The following ANTXR1 variants were observed in gnomAD, a reference collection of about 807,000 sequenced individuals.
ANTXR1 encodes ANTXR cell adhesion molecule 1, also known as anthrax toxin receptor 1.
Under a neutral mutation model 78.1 loss-of-function variants are expected in ANTXR1, and 19 were observed. The ratio of observed to expected loss-of-function variants is 0.24; its 90% CI spans 0.17 to 0.36. The LOEUF (loss-of-function observed/expected upper bound fraction) is 0.36, where lower values mean the gene tolerates loss of function less well. ANTXR1 is among the 10% of genes least tolerant of loss of function. The pLI, the probability that ANTXR1 is intolerant of heterozygous loss-of-function variation, is 1.00. For missense variants in ANTXR1, 518 were observed against 718.6 expected (o/e 0.72, Z 3.19); for synonymous variants, 273 against 260.5 (o/e 1.05, Z -0.46).
chr2:69,175,226 G>A (rs1211824462), intron 14 of ANTXR1, among the ~76,000 whole-genome samples: 1 of 152,190 alleles, frequency 6.6e-6, no homozygotes, highest in African/African-American at 2.4e-5. Context: ...CTAGTGTGTA[G>A]CTATTCTCAT....
rs1374155876 is a variant in ANTXR1 at position 69,040,206 on chromosome 2, T to C, written c.224+91T>C. The C allele has an allele frequency of 4.2e-6, 5 of 1,179,690 alleles. No individual in the cohort carries two copies. In the East Asian group the frequency reaches 1.3e-4, roughly 30 times the overall value. 73.1% of individuals were successfully genotyped at this position (1,179,690 alleles called of 1,614,324 possible). A position where few individuals can be genotyped will look rare whatever the true frequency, so the allele number is the denominator to read the frequency against. On this transcript the variant is annotated intron_variant, in intron 2 of 17. Coordinates refer to ENST00000303714, the MANE Select transcript of ANTXR1 (RefSeq NM_032208.3). ...GCTATTCTATTAATTACTACATACT[T>C]TGGGGATGTTTTTTGACTAAGTTGG...
chr2:69,173,042 A>G (rs1674035410), intron 14 of ANTXR1, among the ~76,000 whole-genome samples: 1 of 152,130 alleles, frequency 6.6e-6, no homozygotes, highest in African/African-American at 2.4e-5. Flanking sequence ...TTATGACCAT[A>G]TTTGAGTTTT....
In ANTXR1 at chr2:69,013,375, G is replaced by A; in HGVS notation, c.-125G>A. ...TCCAGACAATTGCTTCCGGGGAGTT[G>A]CGAGGGAGCGAGGGGGAATAAAGGA... On this transcript the variant is annotated 5_prime_UTR_variant, in exon 1 of 18. Coordinates refer to ENST00000303714, the MANE Select transcript of ANTXR1 (RefSeq NM_032208.3). The surrounding 1 kb of genome is among the most constrained non-coding windows in gnomAD (Gnocchi z 5.0). 2 of 1,333,966 alleles carry A rather than the reference G, an allele frequency of 1.5e-6. No individual in the cohort carries two copies. Among genetic ancestry groups the A allele is most frequent in the Non-Finnish European group, 1.0e-6 (1 of 959,602 alleles). The allele number at this position is 1,333,966 out of a possible 1,614,324, so 82.6% of individuals were successfully genotyped here.
At chr2:69,082,090 T>C (rs1270434936) in intron 8 of ANTXR1, among the ~76,000 whole-genome samples, 1 of 152,170 alleles carries the variant, frequency 6.6e-6, no homozygotes. Flanking sequence ...AGGAAGACAC[T>C]GAGGACTGAA....
At chr2:69,050,214 A>T (rs1445809450) in intron 3 of ANTXR1, among the ~76,000 whole-genome samples, 1 of 152,046 alleles carries the variant, frequency 6.6e-6, no homozygotes, top group African/African-American at 2.4e-5. Context: ...GACAGGATCG[A>T]TTGAGGCATG....
intron 13 of ANTXR1, among the ~76,000 whole-genome samples, chr2:69,160,118 T>C (rs1573942897): frequency 6.6e-6 from 1 of 152,066 alleles, no homozygotes; most frequent in East Asian, 1.9e-4. Flanking sequence ...CTCCACCCAT[T>C]CCCATATGGA....
intron 17 of ANTXR1, among the ~76,000 whole-genome samples, chr2:69,202,172 T>C (rs1399042868): frequency 6.6e-6 from 1 of 151,988 alleles, no homozygotes; most frequent in African/African-American, 2.4e-5. Flanking sequence ...GGTCACATCC[T>C]TTAAGTCAGG....
rs1673358752 is a variant in ANTXR1, at chr2:69,150,374, T to C, written c.952-1795T>C. ...GTGTCATTTCAGGAGGGTCACAGTG[T>C]CCATCCATTGAGCCCACCTGGGTAC... On this transcript the variant is annotated intron_variant, in intron 12 of 17. Transcript: ENST00000303714. Among the ~76,000 whole-genome samples, 4 of 152,260 alleles carry C rather than the reference T, an allele frequency of 2.6e-5. No homozygotes were observed. In the South Asian group the frequency reaches 8.3e-4, roughly 32 times the overall value.
intron 1 of ANTXR1, among the ~76,000 whole-genome samples, chr2:69,025,946 A>G (rs1671329936): frequency 6.6e-6 from 1 of 152,254 alleles, no homozygotes; most frequent in Non-Finnish European, 1.5e-5. Flanking sequence ...ATTGAAGGTC[A>G]AACAGGTAAA....
chr2:69,015,071 TA>T (rs773687268), intron 1 of ANTXR1, among the ~76,000 whole-genome samples: 747 of 121,678 alleles, frequency 6.1e-3, no homozygotes, highest in Middle Eastern at 0.013. Flanking sequence ...CAGGAAAATC[TA>T]AAAAAAAAAA....
intron 16 of ANTXR1, among the ~76,000 whole-genome samples, chr2:69,191,881 C>G (rs540994743): frequency 3.3e-5 from 5 of 152,348 alleles, no homozygotes; most frequent in Non-Finnish European, 4.4e-5. Flanking sequence ...TGCCTTTGGG[C>G]AAGTTACTTG....
intron 14 of ANTXR1, among the ~76,000 whole-genome samples, chr2:69,175,753 G>T (rs1044748761): frequency 2.8e-4 from 42 of 152,310 alleles, no homozygotes; most frequent in African/African-American, 4.8e-5. Context: ...TATCTGAAGG[G>T]AGAGGGGTGC....
chr2:69,113,026 C>A (rs1672036144), intron 10 of ANTXR1, among the ~76,000 whole-genome samples: 1 of 152,168 alleles, frequency 6.6e-6, no homozygotes, highest in Admixed American at 6.5e-5. Context: ...CTGCACCAGT[C>A]CCTGGTGGAC....
chr2:69,145,450 T>G, intron 12 of ANTXR1: 1 of 1,544,578 alleles, frequency 6.5e-7, no homozygotes, highest in Non-Finnish European at 8.7e-7. Flanking sequence ...CATGCTCGGT[T>G]TACACTTTCC....
intron 13 of ANTXR1, among the ~76,000 whole-genome samples, chr2:69,165,158 A>G (rs1673796078): frequency 6.6e-6 from 1 of 152,236 alleles, no homozygotes; most frequent in Non-Finnish European, 1.5e-5. Context: ...GATACTCAAT[A>G]AAGTTTGAAA....
chr2:69,190,184 G>C (rs551993460), intron 16 of ANTXR1, among the ~76,000 whole-genome samples: 1 of 152,332 alleles, frequency 6.6e-6, no homozygotes, highest in South Asian at 2.1e-4. Context: ...CTGAGGGAGA[G>C]TGTGCAGGGG....
intron 9 of ANTXR1, among the ~76,000 whole-genome samples, chr2:69,098,336 C>A (rs1671499514): frequency 6.6e-6 from 1 of 152,182 alleles, no homozygotes; most frequent in Non-Finnish European, 1.5e-5. Context: ...ATATGTCAGT[C>A]CCTACATTTT....
At chr2:69,023,894 A>T (rs1230921520) in intron 1 of ANTXR1, among the ~76,000 whole-genome samples, 1 of 152,256 alleles carries the variant, frequency 6.6e-6, no homozygotes, top group African/African-American at 2.4e-5. Context: ...AACATTTAGG[A>T]AAGCAAACTA....
rs763774448 is a variant in ANTXR1 at position 69,193,457 on chromosome 2, T to TCACACACA, written c.1434+43_1434+44insACACACAC. 1.0e-3 allele frequency: 1,203 copies of TCACACACA among 1,163,970 alleles called. 12 individuals carry two copies. The African/African-American group carries it at 0.023, about 23-fold the overall frequency. 72.1% of individuals were successfully genotyped at this position (1,163,970 alleles called of 1,614,324 possible). ...CATTAATGGTGTCTCTCTCTCTCTC[T>TCACACACA]CTCACATACACACACACACACACAC... On this transcript the variant is annotated intron_variant, in intron 17 of 17. Transcript: ENST00000303714.
Sources: allele counts gnomAD v4.1 joint callset (sites outside exome capture counted in the v4.1 genomes callset), GRCh38; gene constraint gnomAD v4.1.1; non-coding constraint Gnocchi (gnomAD v3.1); transcripts MANE v1.5; gene names NCBI Gene and HGNC (gene_info 2026-07-23, HGNC 2026-07-21).